The following CRYL1 variants were observed in gnomAD, a reference collection of about 807,000 sequenced individuals.
CRYL1 encodes lambda-crystallin homolog.
CRYL1 carries 29 observed loss-of-function variants against 36.6 expected under a neutral mutation model. That is an observed-to-expected ratio of 0.79 (90% CI 0.59 to 1.08). CRYL1 has a LOEUF of 1.08. Among genes scored for constraint, CRYL1 ranks in the 50% least tolerant of loss-of-function variants. The pLI is 0.00. For missense variants in CRYL1, 411 were observed against 407.9 expected (o/e 1.01, Z -0.06); for synonymous variants, 152 against 151.5 (o/e 1.00, Z -0.02).
At chr13:20,516,018 C>G (rs1287289159) in intron 1 of CRYL1, among the ~76,000 whole-genome samples, 1 of 151,892 alleles carries the variant, frequency 6.6e-6, no homozygotes. Context: ...ATGGGGAAAC[C>G]CCATCTCTAC....
chr13:20,500,700 T>C (rs771098189), intron 2 of CRYL1, among the ~76,000 whole-genome samples: 1 of 152,194 alleles, frequency 6.6e-6, no homozygotes, highest in Non-Finnish European at 1.5e-5. Context: ...AGGTCTTCCA[T>C]GGTATGGAGC....
At chr13:20,431,577 T>A (rs2032060376) in intron 5 of CRYL1, 1 of 1,012,554 alleles carries the variant, frequency 9.9e-7, no homozygotes, top group Non-Finnish European at 1.2e-6. Context: ...TGTAAAATCC[T>A]TTCATTAGAG....
At chr13:20,508,752 G>C (rs2033849400) in intron 2 of CRYL1, among the ~76,000 whole-genome samples, 1 of 150,540 alleles carries the variant, frequency 6.6e-6, no homozygotes, top group South Asian at 2.1e-4. Context: ...AGGAGGCTGA[G>C]GCAGGAGAAT....
intron 2 of CRYL1, among the ~76,000 whole-genome samples, chr13:20,503,973 T>G (rs968325665): frequency 2.0e-5 from 3 of 152,150 alleles, no homozygotes; most frequent in Non-Finnish European, 4.4e-5. Context: ...GATGATTCAC[T>G]TTTAGGTGGA....
chr13:20,474,096 G>A (rs1357036403), intron 3 of CRYL1, among the ~76,000 whole-genome samples: 2 of 152,162 alleles, frequency 1.3e-5, no homozygotes, highest in East Asian at 3.8e-4. Flanking sequence ...AGAAAGGCAT[G>A]GGCACGTCCT....
intron 2 of CRYL1, among the ~76,000 whole-genome samples, chr13:20,512,010 T>C (rs1230099689): frequency 6.6e-6 from 1 of 152,246 alleles, no homozygotes; most frequent in Non-Finnish European, 1.5e-5. Context: ...CAAGATGTTT[T>C]CATTTGGGTC....
chr13:20,467,814 T>C (rs553341722), intron 3 of CRYL1, among the ~76,000 whole-genome samples: 2 of 152,058 alleles, frequency 1.3e-5, no homozygotes, highest in South Asian at 2.1e-4. Flanking sequence ...AACACAGGGG[T>C]CTGCAACGCC....
rs752307100 is a variant in CRYL1, at chr13:20,519,096, T to C, written c.42-6546A>G. 4.6e-5 allele frequency among the ~76,000 whole-genome samples: 7 copies of C among 152,088 alleles called. No homozygotes were observed. The East Asian group carries it at 1.3e-3, about 29-fold the overall frequency. On this transcript the variant is annotated intron_variant, in intron 1 of 7. Coordinates refer to ENST00000298248, the MANE Select transcript of CRYL1 (RefSeq NM_015974.3). ...ATTAATTTGGGATTTACTGTAGAGA[T>C]GTGGTATTAAAAGTGTGTGACTGGG... is the stretch of plus-strand genomic sequence containing the variant.
chr13:20,460,607 G>C (rs1318133487), intron 3 of CRYL1, among the ~76,000 whole-genome samples: 1 of 125,010 alleles, frequency 8.0e-6, no homozygotes, highest in Non-Finnish European at 1.6e-5. Context: ...CTCACTGCAA[G>C]CTCCGCCACC....
chr13:20,448,146 A>G (rs1394938912), intron 3 of CRYL1, among the ~76,000 whole-genome samples: 5 of 152,226 alleles, frequency 3.3e-5, no homozygotes, highest in Non-Finnish European at 7.3e-5. Flanking sequence ...AAACAAAGTA[A>G]CAGAGATGAA....
At chr13:20,456,493 AAAAG>A (rs2032688476) in intron 3 of CRYL1, among the ~76,000 whole-genome samples, 1 of 151,166 alleles carries the variant, frequency 6.6e-6, no homozygotes. Flanking sequence ...AAAAAAAAAA[AAAAG>A]AAAAGAAAAG....
In CRYL1 at chr13:20,403,816, T is replaced by C. The variant is rs1049422114; in HGVS notation, c.*313A>G. The C allele has an allele frequency of 1.8e-5, 4 of 220,062 alleles. No individual in the cohort carries two copies. The highest frequency in any genetic ancestry group is 3.5e-5 in the Non-Finnish European group (4 of 113,270). 13.6% of individuals were successfully genotyped at this position (220,062 alleles called of 1,614,324 possible). A position where few individuals can be genotyped will look rare whatever the true frequency, so the allele number is the denominator to read the frequency against. On this transcript the variant is annotated 3_prime_UTR_variant, in exon 8 of 8. Transcript: ENST00000298248. ...GCCACATATTAACATGAAACTACAATCACTGGCTGTAAAATATAGTCAAAT... is the reference window on the plus strand; with the variant it reads ...GCCACATATTAACATGAAACTACAACCACTGGCTGTAAAATATAGTCAAAT...
At chr13:20,502,929 T>C (rs1481132650) in intron 2 of CRYL1, among the ~76,000 whole-genome samples, 3 of 152,134 alleles carry the variant, frequency 2.0e-5, no homozygotes, top group African/African-American at 7.2e-5. Flanking sequence ...TACACCTTCA[T>C]AGCCCAACCA....
At chr13:20,471,633 T>C (rs537823068) in intron 3 of CRYL1, among the ~76,000 whole-genome samples, 32 of 151,258 alleles carry the variant, frequency 2.1e-4, no homozygotes, top group Admixed American at 3.9e-4. Context: ...ACAAAGGAAA[T>C]GCAAAATTGA....
In CRYL1 at chr13:20,415,858, T is replaced by C. The variant is rs1443505243; in HGVS notation, c.634-2471A>G. ...GTGGAATCACTGAGCGCGCGTTCTT[T>C]CGTGACTTGTCTCTCACCATCCTGT... is the stretch of plus-strand genomic sequence containing the variant. On this transcript the variant is annotated intron_variant, in intron 5 of 7. Coordinates refer to ENST00000298248, the MANE Select transcript of CRYL1 (RefSeq NM_015974.3). This position sits in a 1 kb window ranked among gnomAD's most constrained non-coding sequence, Gnocchi z 4.1. Among the ~76,000 whole-genome samples, 1 of 152,004 alleles carries C rather than the reference T, an allele frequency of 6.6e-6. No homozygotes were observed. The highest frequency in any genetic ancestry group is 1.5e-5 in the Non-Finnish European group (1 of 68,048).
intron 3 of CRYL1, among the ~76,000 whole-genome samples, chr13:20,467,016 T>C (rs1194892915): frequency 1.3e-5 from 2 of 152,062 alleles, no homozygotes; most frequent in African/African-American, 4.8e-5. Context: ...GGTGTGATCT[T>C]GGCTCACTGG....
At chr13:20,501,463 A>G (rs1430867802) in intron 2 of CRYL1, among the ~76,000 whole-genome samples, 1 of 152,220 alleles carries the variant, frequency 6.6e-6, no homozygotes, top group African/African-American at 2.4e-5. Context: ...CCTGAGGAAT[A>G]AAGGGCATGG....
intron 3 of CRYL1, among the ~76,000 whole-genome samples, chr13:20,453,446 T>TAATATATTTGAATATTTTGAAATATTCA (rs2032615297): frequency 1.4e-5 from 2 of 142,112 alleles, no homozygotes; most frequent in African/African-American, 6.2e-5. Context: ...TGAAATATTC[T>TAATATATTTGAATATTTTGAAATATTCA]AATATATTTG....
intron 4 of CRYL1, among the ~76,000 whole-genome samples, chr13:20,437,158 A>G (rs2032239863): frequency 6.6e-6 from 1 of 151,320 alleles, no homozygotes; most frequent in African/African-American, 2.4e-5. Context: ...CCACAGAGAA[A>G]GAATAAAAAA....
Sources: allele counts gnomAD v4.1 joint callset (sites outside exome capture counted in the v4.1 genomes callset), GRCh38; gene constraint gnomAD v4.1.1; non-coding constraint Gnocchi (gnomAD v3.1); transcripts MANE v1.5; gene names NCBI Gene and HGNC (gene_info 2026-07-23, HGNC 2026-07-21).